FOCAD: variants seen among roughly 807,000 people sequenced by gnomAD.
The protein encoded by FOCAD is focadhesin.
Under a neutral mutation model 225.6 loss-of-function variants are expected in FOCAD, and 198 were observed. The ratio of observed to expected loss-of-function variants is 0.88; its 90% CI spans 0.78 to 0.99. The LOEUF is 0.99. FOCAD is among the 50% of genes least tolerant of loss of function. FOCAD has a pLI of 0.00. For missense variants in FOCAD, 2,713 were observed against 2,123.6 expected, an observed-to-expected ratio of 1.28 and a Z score of -5.46; for synonymous variants, 897 against 755.0, an observed-to-expected ratio of 1.19 and a Z score of -3.08.
chr9:20,752,072 G>A (rs919801066), intron 5 of FOCAD, among the ~76,000 whole-genome samples: 7 of 143,606 alleles, frequency 4.9e-5, no homozygotes, highest in African/African-American at 1.8e-4. Flanking sequence ...TTTGTCAGAT[G>A]AGTAGGTTGT....
intron 2 of FOCAD, among the ~76,000 whole-genome samples, chr9:20,660,601 G>A (rs1329795176): frequency 2.0e-5 from 3 of 152,166 alleles, no homozygotes; most frequent in Admixed American, 6.5e-5. Flanking sequence ...AAGAAGATCC[G>A]AAGAGACAGC....
intron 11 of FOCAD, among the ~76,000 whole-genome samples, chr9:20,814,887 C>G (rs547126685): frequency 6.6e-6 from 1 of 151,856 alleles, no homozygotes; most frequent in Admixed American, 6.6e-5. Flanking sequence ...TATACTTTTG[C>G]CTTCTAAACC....
At chr9:20,967,229 C>G (rs1283469612) in intron 35 of FOCAD, among the ~76,000 whole-genome samples, 2 of 152,052 alleles carry the variant, frequency 1.3e-5, no homozygotes, top group Non-Finnish European at 2.9e-5. Context: ...GTGTATAAGT[C>G]TTTACCCTTG....
chr9:20,980,993 T>G (rs544503450), intron 37 of FOCAD, among the ~76,000 whole-genome samples: 2 of 152,302 alleles, frequency 1.3e-5, no homozygotes, highest in South Asian at 4.1e-4. Flanking sequence ...GAAGAAGAAA[T>G]TAATAGTATC....
chr9:20,830,889 G>C (rs1335416918), intron 15 of FOCAD, among the ~76,000 whole-genome samples: 1 of 151,992 alleles, frequency 6.6e-6, no homozygotes, highest in Admixed American at 6.6e-5. Flanking sequence ...TGACCAGGCT[G>C]GTTGTCTTGA....
At position 20,866,917 on chromosome 9, in the gene FOCAD, T is replaced by TTTTTTTTTTTTTTAAAAA; in HGVS notation, c.2107-12_2107-11insTTTTTTTTTTTTTAAAAA. On this transcript the variant is annotated splice_polypyrimidine_tract_variant and intron_variant, in intron 17 of 43. Coordinates refer to ENST00000338382, the MANE Select transcript of FOCAD (RefSeq NM_001375567.1). ...TTTTTTTTTTTTTTTTTTTTTTTTT[T>TTTTTTTTTTTTTTAAAAA]ACCCTATCTAGGACCCAATTGTAGC... 2 of 764,972 alleles carry TTTTTTTTTTTTTTAAAAA rather than the reference T, an allele frequency of 2.6e-6. No individual in the cohort carries two copies. Among genetic ancestry groups the TTTTTTTTTTTTTTAAAAA allele is most frequent in the South Asian group, 1.8e-5 (1 of 54,450 alleles). The allele number at this position is 764,972 out of a possible 1,614,324, so 47.4% of individuals were successfully genotyped here. A position where few individuals can be genotyped will look rare whatever the true frequency, so the allele number is the denominator to read the frequency against.
chr9:20,907,872 G>A (rs79938787), intron 22 of FOCAD, among the ~76,000 whole-genome samples: 4,460 of 152,026 alleles, frequency 0.029, 100 homozygotes, highest in Non-Finnish European at 0.043. Context: ...TGCCCTTCTT[G>A]TATCTGAGCT....
chr9:20,950,823 A>G (rs1197991174), intron 33 of FOCAD, among the ~76,000 whole-genome samples, 173 bp from the exon 34 acceptor site: 2 of 152,226 alleles, frequency 1.3e-5, no homozygotes, highest in Non-Finnish European at 2.9e-5. Flanking sequence ...TTGAGTATCT[A>G]TATGACACAG....
chr9:20,691,481 T>A (rs924544074), intron 1 of FOCAD, among the ~76,000 whole-genome samples: 2 of 151,668 alleles, frequency 1.3e-5, no homozygotes, highest in South Asian at 4.1e-4. Context: ...TAATTAATTT[T>A]ATTTTATTAT....
intron 8 of FOCAD, among the ~76,000 whole-genome samples, chr9:20,776,047 A>G (rs1402762112): frequency 1.3e-5 from 2 of 152,164 alleles, no homozygotes; most frequent in Non-Finnish European, 2.9e-5. Context: ...GATCCCAGCA[A>G]GCAGTTGGAG....
At chr9:20,740,918 A>C (rs914709609) in intron 5 of FOCAD, among the ~76,000 whole-genome samples, 1 of 152,186 alleles carries the variant, frequency 6.6e-6, no homozygotes, top group South Asian at 2.1e-4. Flanking sequence ...GGAGGGAATC[A>C]TACTTCCTTG....
intron 28 of FOCAD, among the ~76,000 whole-genome samples, chr9:20,941,374 AT>A (rs1836644745): frequency 6.6e-6 from 1 of 152,200 alleles, no homozygotes; most frequent in African/African-American, 2.4e-5. Context: ...GCTTTTAGAA[AT>A]GCGATAACAT....
At chr9:20,819,756 T>A (rs777255448) in intron 11 of FOCAD, 40 bp from the exon 12 acceptor site, 2 of 1,128,618 alleles carry the variant, frequency 1.8e-6, no homozygotes, top group South Asian at 3.4e-5. Flanking sequence ...TACTTTTTTG[T>A]AACAAGGCAT....
intron 26 of FOCAD, among the ~76,000 whole-genome samples, chr9:20,927,469 T>A (rs1835065067): frequency 6.6e-6 from 1 of 152,090 alleles, no homozygotes; most frequent in East Asian, 1.9e-4. Context: ...ATATACTTTA[T>A]GTAAAAAGTT....
chr9:20,883,638 TTATAAG>T (rs1830863785), intron 20 of FOCAD, among the ~76,000 whole-genome samples: 1 of 152,150 alleles, frequency 6.6e-6, no homozygotes, highest in Non-Finnish European at 1.5e-5. Flanking sequence ...AACAGTATAC[TTATAAG>T]TAATGGATGG....
chr9:20,793,601 G>T (rs1185423395), intron 11 of FOCAD, among the ~76,000 whole-genome samples: 1 of 152,102 alleles, frequency 6.6e-6, no homozygotes, highest in Non-Finnish European at 1.5e-5. Context: ...CGTTTGTCTG[G>T]GTGTGTCATT....
chr9:20,959,240 A>C (rs529834644), intron 35 of FOCAD, among the ~76,000 whole-genome samples: 1 of 152,192 alleles, frequency 6.6e-6, no homozygotes, highest in Non-Finnish European at 1.5e-5. Context: ...AGCCATCCTG[A>C]CTGGGGAGAG....
At chr9:20,908,754 G>A (rs540715256) in intron 22 of FOCAD, among the ~76,000 whole-genome samples, 1 of 152,168 alleles carries the variant, frequency 6.6e-6, no homozygotes, top group African/African-American at 2.4e-5. Flanking sequence ...TTTTAGTCAG[G>A]AAACATAAGA....
chr9:20,700,372 G>C (rs545126314), intron 1 of FOCAD, among the ~76,000 whole-genome samples: 4 of 151,668 alleles, frequency 2.6e-5, no homozygotes, highest in East Asian at 1.9e-4. Context: ...AAACAGTCTT[G>C]TTAGCTTTTA....
Sources: gnomAD v4.1 joint callset for allele counts (sites outside exome capture counted in the v4.1 genomes callset) on GRCh38, gnomAD v4.1.1 for gene constraint, MANE v1.5 for transcripts, NCBI Gene and HGNC (gene_info 2026-07-23, HGNC 2026-07-21) for gene names.